Variants in DPP10 observed in about 807,000 individuals in gnomAD.
DPP10 encodes inactive dipeptidyl peptidase 10.
DPP10 carries 33 observed loss-of-function variants against 120.9 expected under a neutral mutation model. That is an observed-to-expected ratio of 0.27 (90% CI 0.21 to 0.37). DPP10 has a LOEUF of 0.37. Among genes scored for constraint, DPP10 ranks in the 10% least tolerant of loss-of-function variants. The pLI is 1.00. For missense variants in DPP10, 816 were observed against 942.8 expected (o/e 0.87, Z 1.76); for synonymous variants, 337 against 326.1 (o/e 1.03, Z -0.36).
chr2:114,598,983 G>A lies in DPP10; in HGVS notation c.60+156145G>A, dbSNP rs191602313. The stretch of plus-strand genomic sequence containing the variant: ...ATGGAAGCCAATGGGTCATTATGTA[G>A]AATAAATGAGATCATAAGTCAATAA... On this transcript the variant is annotated intron_variant, in intron 1 of 25. Transcript: ENST00000410059. 2.0e-5 allele frequency among the ~76,000 whole-genome samples: 3 copies of A among 151,932 alleles called. No individual in the cohort carries two copies. In the East Asian group the frequency reaches 5.8e-4, roughly 29 times the overall value.
chr2:114,626,732 C>T (rs1051292422), intron 1 of DPP10, among the ~76,000 whole-genome samples: 1 of 151,974 alleles, frequency 6.6e-6, no homozygotes, highest in African/African-American at 2.4e-5. Flanking sequence ...AGTACACTAC[C>T]AAGTAATATT....
At chr2:114,949,071 T>C (rs1471774877) in intron 1 of DPP10, among the ~76,000 whole-genome samples, 1 of 152,106 alleles carries the variant, frequency 6.6e-6, no homozygotes, top group African/African-American at 2.4e-5. Context: ...AGTACAGGTG[T>C]GTGCCACCAC....
At chr2:114,957,840 A>G (rs896982489) in intron 1 of DPP10, among the ~76,000 whole-genome samples, 1 of 152,236 alleles carries the variant, frequency 6.6e-6, no homozygotes, top group African/African-American at 2.4e-5. Flanking sequence ...TATTATGTGA[A>G]ATAAGCCTGG....
chr2:115,733,732 TGTATCTCA>T, intron 8 of DPP10, among the ~76,000 whole-genome samples: 1 of 152,290 alleles, frequency 6.6e-6, no homozygotes, highest in Non-Finnish European at 1.5e-5. Context: ...ACACAATCGT[TGTATCTCA>T]GTATTGTGGA....
chr2:115,489,125 C>G (rs2075949713), intron 3 of DPP10, among the ~76,000 whole-genome samples: 2 of 151,988 alleles, frequency 1.3e-5, no homozygotes, highest in Admixed American at 6.6e-5. Flanking sequence ...ATTTAAAGAA[C>G]CAGAGGGTAA....
intron 1 of DPP10, among the ~76,000 whole-genome samples, chr2:114,486,909 T>G (rs181281676): frequency 1.2e-3 from 189 of 152,300 alleles, no homozygotes; most frequent in African/African-American, 4.0e-3. Context: ...TTTTTAAAGT[T>G]GAGTTTTTCT....
chr2:114,636,226 G>A (rs1376018070), intron 1 of DPP10, among the ~76,000 whole-genome samples: 1 of 151,910 alleles, frequency 6.6e-6, no homozygotes, highest in East Asian at 1.9e-4. Flanking sequence ...TTGATATGCA[G>A]CAGAACTGCT....
At chr2:115,722,048 T>C (rs1383343002) in intron 7 of DPP10, among the ~76,000 whole-genome samples, 1 of 152,006 alleles carries the variant, frequency 6.6e-6, no homozygotes, top group Non-Finnish European at 1.5e-5. Context: ...TCAAAAATAG[T>C]CAAATACATA....
chr2:115,486,287 T>C (rs2075775380), intron 3 of DPP10, among the ~76,000 whole-genome samples: 1 of 152,088 alleles, frequency 6.6e-6, no homozygotes, highest in African/African-American at 2.4e-5. Context: ...TATCCATCTG[T>C]CCATTCAACT....
At chr2:114,644,100 A>G (rs1214571080) in intron 1 of DPP10, among the ~76,000 whole-genome samples, 1 of 129,942 alleles carries the variant, frequency 7.7e-6, no homozygotes, top group African/African-American at 2.9e-5. Context: ...ATGCCCAGCT[A>G]TTTTTTTTTT....
chr2:114,825,689 G>C (rs1313945882), intron 1 of DPP10, among the ~76,000 whole-genome samples: 1 of 152,140 alleles, frequency 6.6e-6, no homozygotes, highest in Non-Finnish European at 1.5e-5. Flanking sequence ...CCCAGAATTT[G>C]AGATAAAGAG....
chr2:115,771,529 G>A (rs1454444749), intron 13 of DPP10, among the ~76,000 whole-genome samples: 2 of 152,162 alleles, frequency 1.3e-5, no homozygotes, highest in East Asian at 3.9e-4. Flanking sequence ...TACCCAGGCA[G>A]GGTATATCCA....
chr2:114,936,128 A>G (rs1224445638), intron 1 of DPP10, among the ~76,000 whole-genome samples: 1 of 152,162 alleles, frequency 6.6e-6, no homozygotes, highest in East Asian at 1.9e-4. Context: ...GTAGTCTTTT[A>G]TCCCTCACCT....
chr2:115,568,329 A>G (rs1355161015), intron 5 of DPP10, among the ~76,000 whole-genome samples: 1 of 151,996 alleles, frequency 6.6e-6, no homozygotes, highest in African/African-American at 2.4e-5. Flanking sequence ...GGAAAAATAC[A>G]AAAGTTAGCC....
chr2:115,369,953 A>G (rs1458521007), intron 3 of DPP10, among the ~76,000 whole-genome samples: 1 of 151,824 alleles, frequency 6.6e-6, no homozygotes, highest in Non-Finnish European at 1.5e-5. Context: ...AAAATGTGTT[A>G]GATCAGTTTT....
At chr2:115,443,288 C>T (rs1446241069) in intron 3 of DPP10, among the ~76,000 whole-genome samples, 1 of 152,166 alleles carries the variant, frequency 6.6e-6, no homozygotes, top group Non-Finnish European at 1.5e-5. Context: ...AATACCCTCT[C>T]CAGACTTTTT....
intron 1 of DPP10, among the ~76,000 whole-genome samples, chr2:114,583,080 G>T (rs1690670510): frequency 6.6e-6 from 1 of 152,184 alleles, no homozygotes; most frequent in African/African-American, 2.4e-5. Flanking sequence ...TGGATTACTA[G>T]TAGTACAGTT....
chr2:114,662,327 TGC>T (rs1697478670), intron 1 of DPP10, among the ~76,000 whole-genome samples: 2 of 152,154 alleles, frequency 1.3e-5, no homozygotes, highest in Non-Finnish European at 2.9e-5. Context: ...CGGGCCTCCC[TGC>T]GGGGGCGCGG....
intron 1 of DPP10, among the ~76,000 whole-genome samples, chr2:115,171,248 C>T (rs538430465): frequency 5.9e-5 from 9 of 151,494 alleles, no homozygotes; most frequent in East Asian, 5.9e-4. Context: ...ATAATCCTAG[C>T]GACTCAGGAG....
Sources: gnomAD v4.1 joint callset for allele counts (sites outside exome capture counted in the v4.1 genomes callset) on GRCh38, gnomAD v4.1.1 for gene constraint, MANE v1.5 for transcripts, NCBI Gene and HGNC (gene_info 2026-07-23, HGNC 2026-07-21) for gene names.